The following CCT4 variants were observed in gnomAD, a reference collection of about 807,000 sequenced individuals.
CCT4 encodes the protein chaperonin containing TCP1 subunit 4.
A neutral mutation model predicts 62.5 loss-of-function variants in CCT4; 17 were observed. The observed-to-expected ratio is 0.27, with a 90% confidence interval of 0.19 to 0.41. The LOEUF is 0.41. CCT4 is among the 10% of genes least tolerant of loss of function. The pLI is 1.00. For synonymous variants in CCT4, 250 were observed against 229.9 expected (o/e 1.09, Z -0.79); for missense variants, 592 against 659.2 (o/e 0.90, Z 1.12).
chr2:61,872,957 A>G, intron 10 of CCT4, 45 bp downstream of exon 10: 3 of 1,126,426 alleles, frequency 2.7e-6, no homozygotes, highest in Non-Finnish European at 4.1e-6. Context: ...CTAAAACCCC[A>G]TACCCAAACC....
At chr2:61,878,775 T>G (rs2105133876) in intron 5 of CCT4, 94 bp downstream of exon 5, 543 of 797,308 alleles carry the variant, frequency 6.8e-4, no homozygotes, top group Non-Finnish European at 9.4e-4. Context: ...TAGCCACTCT[T>G]GAGATTTAGT....
chr2:61,873,995 T>C (rs967767772), intron 8 of CCT4, among the ~76,000 whole-genome samples: 1 of 152,152 alleles, frequency 6.6e-6, no homozygotes, highest in Non-Finnish European at 1.5e-5. Flanking sequence ...CCACTGTGCC[T>C]GACCTCATTT....
At chr2:61,875,582 CAAA>C (rs35222263) in intron 8 of CCT4, among the ~76,000 whole-genome samples, 31 of 110,404 alleles carry the variant, frequency 2.8e-4, no homozygotes, top group South Asian at 6.0e-4. Context: ...GACTCTGTCT[CAAA>C]AAAAAAAAAA....
Position 61,872,273 on chromosome 2 carries a change from G to C in CCT4, c.1300C>G (p.Leu434Val). ...GTTCGTGAATATTCAGTTAATCGTA[G>C]GGCCAACTCTATTTCTGGAGCACCA... ...GGGAPEIELA[L>V]RLTEYSRTLS... Residue 434 changes from leucine (L) to valine (V), a missense_variant, in exon 12 of 14, where the codon CTA becomes GTA. By Grantham distance (32) the Leu-to-Val change is conservative. Around this residue, in one of 3 missense-constraint regions of CCT4, gnomAD observed 522 missense variants for 571.2 expected, o/e 0.91. Coordinates refer to ENST00000394440, the MANE Select transcript of CCT4 (RefSeq NM_006430.4). 6.2e-7 allele frequency: 1 copy of C among 1,610,794 alleles called. No individual in the cohort carries two copies. The highest frequency in any genetic ancestry group is 8.5e-7 in the Non-Finnish European group (1 of 1,177,816).
chr2:61,874,309 T>C (rs919668289), intron 8 of CCT4, among the ~76,000 whole-genome samples: 1 of 151,942 alleles, frequency 6.6e-6, no homozygotes, highest in African/African-American at 2.4e-5. Context: ...ATGGAGTAAA[T>C]GGGAATGCGT....
At chr2:61,882,052 G>A (rs1669129138) in intron 3 of CCT4, among the ~76,000 whole-genome samples, 1 of 151,332 alleles carries the variant, frequency 6.6e-6, no homozygotes. Context: ...TCCTGTCTCT[G>A]CCTCCGAGTA....
chr2:61,879,747 C>CT lies in CCT4; in HGVS notation c.379+538dup, dbSNP rs543427076. 3.9e-3 allele frequency among the ~76,000 whole-genome samples: 559 copies of CT among 144,546 alleles called. 1 individual carries two copies. Among genetic ancestry groups the CT allele is most frequent in the Non-Finnish European group, 6.0e-3 (395 of 65,606 alleles). The allele number at this position is 144,546 out of a possible 152,430, so 94.8% of individuals were successfully genotyped here. On this transcript the variant is annotated intron_variant, in intron 4 of 13. Coordinates refer to ENST00000394440, the MANE Select transcript of CCT4 (RefSeq NM_006430.4). ...TTAGTAATATTTCTACCACTCATTTCTTTTTTTTTTTTTGAGATGGAGTTT... is the reference window on the plus strand; with the variant it reads ...TTAGTAATATTTCTACCACTCATTTCTTTTTTTTTTTTTTGAGATGGAGTTT...
At chr2:61,877,113 TAGATGAAC>T in intron 6 of CCT4, 61 bp from the exon 7 acceptor site, 1 of 1,425,494 alleles carries the variant, frequency 7.0e-7, no homozygotes, top group South Asian at 1.2e-5. Flanking sequence ...GTACGTTTAA[TAGATGAAC>T]AGATTAAAAG....
chr2:61,868,432 G>A lies in CCT4; in HGVS notation c.*260C>T, dbSNP rs772521368. 1.1e-4 allele frequency: 45 copies of A among 426,134 alleles called. No homozygotes were observed. The highest frequency in any genetic ancestry group is 6.5e-4 in the South Asian group (17 of 26,208). The allele number at this position is 426,134 out of a possible 1,614,324, so 26.4% of individuals were successfully genotyped here. On this transcript the variant is annotated 3_prime_UTR_variant, in exon 14 of 14. Coordinates refer to ENST00000394440, the MANE Select transcript of CCT4 (RefSeq NM_006430.4). ...CTCAACATGTAAACTCACTTTTTAC[G>A]CTTCTTTTATTAGTTTTTATTAGTT...
chr2:61,872,619 T>C (rs1478381264), intron 10 of CCT4, 31 bp from the exon 11 acceptor site: 5 of 1,611,816 alleles, frequency 3.1e-6, no homozygotes, highest in Middle Eastern at 1.7e-4. Flanking sequence ...ATTAAGTATT[T>C]GAAGGGTCAA....
intron 5 of CCT4, 62 bp from the exon 6 acceptor site, chr2:61,877,576 A>T (rs1669028369): frequency 7.9e-7 from 1 of 1,260,934 alleles, no homozygotes; most frequent in Admixed American, 3.0e-5. Context: ...TAATTTTTCA[A>T]TGACAAAGAT....
intron 5 of CCT4, among the ~76,000 whole-genome samples, chr2:61,878,147 A>G (rs530958140): frequency 6.6e-6 from 1 of 152,324 alleles, no homozygotes; most frequent in South Asian, 2.1e-4. Flanking sequence ...TGTCCCTAAC[A>G]CTACCTAACA....
At chr2:61,877,764 T>C (rs1669032554) in intron 5 of CCT4, among the ~76,000 whole-genome samples, 1 of 152,146 alleles carries the variant, frequency 6.6e-6, no homozygotes, top group African/African-American at 2.4e-5. Flanking sequence ...CTGTAGAATA[T>C]CAAAGTTTTA....
intron 3 of CCT4, among the ~76,000 whole-genome samples, chr2:61,881,453 T>G (rs554116874): frequency 1.3e-5 from 2 of 152,292 alleles, no homozygotes; most frequent in African/African-American, 4.8e-5. Flanking sequence ...GAATTTGTTT[T>G]TGCTCATATG....
intron 8 of CCT4, among the ~76,000 whole-genome samples, chr2:61,874,260 T>C (rs1668950409): frequency 6.6e-6 from 1 of 152,180 alleles, no homozygotes; most frequent in Non-Finnish European, 1.5e-5. Flanking sequence ...CTTCAAAGAC[T>C]ATATAAAATG....
At chr2:61,888,267 G>A (rs1192850275) in intron 1 of CCT4, 114 bp downstream of exon 1, 2 of 1,290,872 alleles carry the variant, frequency 1.5e-6, no homozygotes, top group East Asian at 2.5e-5. Context: ...TCTATAGGGA[G>A]GACAAGAGAG....
At chr2:61,882,325 C>T (rs984691921) in intron 3 of CCT4, among the ~76,000 whole-genome samples, 1 of 152,100 alleles carries the variant, frequency 6.6e-6, no homozygotes, top group African/African-American at 2.4e-5. Context: ...GAGTGTATGC[C>T]AAGTTTCCAT....
At chr2:61,881,374 A>C (rs569822728) in intron 3 of CCT4, among the ~76,000 whole-genome samples, 1 of 152,182 alleles carries the variant, frequency 6.6e-6, no homozygotes, top group East Asian at 1.9e-4. Context: ...CACCCGCCTC[A>C]GCCTCCCAAA....
At position 61,869,542 on chromosome 2, in the gene CCT4, G is replaced by A. The variant is rs1668841423; in HGVS notation, c.1503C>T (p.Ser501=). The A allele has an allele frequency of 6.3e-7, 1 of 1,593,786 alleles. No homozygotes were observed. Among genetic ancestry groups the A allele is most frequent in the East Asian group, 2.2e-5 (1 of 44,746 alleles). The change falls in exon 13 of 14, where the codon TCC becomes TCT. Residue 501 remains serine (S), a synonymous_variant. Transcript: ENST00000394440. ...AGINVRKGGI[S]NILEELVVQP... Reference sequence around the variant, plus strand: ...GGACAACCAGTTCCTCCAAAATGTTGGAAATACCACCCTGCAAATCAAATC... The same window carrying A: ...GGACAACCAGTTCCTCCAAAATGTTAGAAATACCACCCTGCAAATCAAATC...
Sources: gnomAD v4.1 joint callset for allele counts (sites outside exome capture counted in the v4.1 genomes callset) on GRCh38, gnomAD v4.1.1 for gene constraint, gnomAD v4.1.1 regional missense constraint, MANE v1.5 for transcripts, NCBI Gene and HGNC (gene_info 2026-07-23, HGNC 2026-07-21) for gene names.